Variants in ATP1A4 observed in about 807,000 individuals in gnomAD.
ATP1A4 encodes the protein ATPase Na+/K+ transporting subunit alpha 4.
In ATP1A4, 90 loss-of-function variants were observed where a neutral mutation model predicts 114.3. That is an observed-to-expected ratio of 0.79 (90% CI 0.66 to 0.94). ATP1A4 has a LOEUF of 0.94. Ranked by LOEUF, ATP1A4 falls within the 40% of genes least tolerant of loss-of-function variation. The pLI, the probability that ATP1A4 is intolerant of heterozygous loss-of-function variation, is 0.00. For missense variants in ATP1A4, 1,222 were observed against 1,313.6 expected (o/e 0.93, Z 1.08); for synonymous variants, 511 against 494.1 (o/e 1.03, Z -0.45).
At chr1:160,185,972 G>C (rs1653869475) in intron 20 of ATP1A4, among the ~76,000 whole-genome samples, 1 of 148,980 alleles carries the variant, frequency 6.7e-6, no homozygotes, top group Admixed American at 6.7e-5. Flanking sequence ...GTGCACACCT[G>C]TAATCTCAGC....
intron 16 of ATP1A4, 70 bp from the exon 17 acceptor site, chr1:160,176,409 G>A (rs1012416364): frequency 2.5e-6 from 4 of 1,608,980 alleles, no homozygotes; most frequent in Non-Finnish European, 3.4e-6. Context: ...CAGAATGGTA[G>A]AGCTTGAATT....
At chr1:160,182,131 C>A in intron 20 of ATP1A4, 100 bp downstream of exon 20, 1 of 954,084 alleles carries the variant, frequency 1.0e-6, no homozygotes, top group East Asian at 2.4e-5. Flanking sequence ...CAGGAGCTGC[C>A]TGGATACATG....
chr1:160,166,588 G>T lies in ATP1A4; in HGVS notation c.1108G>T (p.Glu370Ter). The T allele has an allele frequency of 6.2e-7, 1 of 1,614,202 alleles. No individual in the cohort carries two copies. Among genetic ancestry groups the T allele is most frequent in the South Asian group, 1.1e-5 (1 of 91,080 alleles). The change falls in exon 8 of 22, where the codon GAG (glutamate) becomes TAG (stop). Residue 370 changes from glutamate to a stop codon, truncating the protein, a stop_gained. Coordinates refer to ENST00000368081, the MANE Select transcript of ATP1A4 (RefSeq NM_144699.4). LOFTEE classifies it high-confidence loss of function. ...GAAGAACTGCCTGGTGAAGAACCTG[G>T]AGGCGGTGGAGACGCTGGGCTCCAC... ...ARKNCLVKNLEAVETLGSTST... is the reference protein window; with the variant it reads ...ARKNCLVKNL
intron 10 of ATP1A4, among the ~76,000 whole-genome samples, chr1:160,169,335 T>C (rs1022977018): frequency 1.3e-5 from 2 of 152,238 alleles, no homozygotes; most frequent in Non-Finnish European, 2.9e-5. Flanking sequence ...CTCTTTTATA[T>C]GTAATTTTCT....
rs145979030 is a variant in ATP1A4 at position 160,184,102 on chromosome 1, G to A, written c.2969+2071G>A. On this transcript the variant is annotated intron_variant, in intron 20 of 21. Transcript: ENST00000368081. ...TGAGTAGCTGGGATTACAGGCACGC[G>A]TCACCACACCCAGCTAATTTTTGTA... Among the ~76,000 whole-genome samples the A allele has an allele frequency of 7.1e-3, 1,085 of 152,088 alleles. 10 individuals carry two copies. Among genetic ancestry groups the A allele is most frequent in the African/African-American group, 0.018 (767 of 41,494 alleles).
intron 1 of ATP1A4, 99 bp from the exon 2 acceptor site, chr1:160,153,066 T>C (rs1221464858): frequency 2.7e-5 from 26 of 948,468 alleles, no homozygotes; most frequent in East Asian, 2.7e-4. Flanking sequence ...AATGGAGCAG[T>C]CTCAGTTTGG....
At chr1:160,171,095 G>T (rs894107314) in intron 10 of ATP1A4, 156 bp from the exon 11 acceptor site, 1 of 622,990 alleles carries the variant, frequency 1.6e-6, no homozygotes, top group Non-Finnish European at 2.8e-6. Flanking sequence ...GAGGGGCTGG[G>T]TTCAACCTGG....
At position 160,151,849 on chromosome 1, in the gene ATP1A4, C is replaced by G; in HGVS notation, c.-192C>G. ...GGACCGCTCAGTCTCTCCTCTCTCA[C>G]TTCCCTTCCTCTCTCTCACCTTCAC... On this transcript the variant is annotated 5_prime_UTR_variant, in exon 1 of 22. Transcript: ENST00000368081. The G allele has an allele frequency of 1.7e-6, 1 of 585,448 alleles. No homozygotes were observed. The highest frequency in any genetic ancestry group is 2.9e-6 in the Non-Finnish European group (1 of 341,968). The allele number at this position is 585,448 out of a possible 1,614,324, so 36.3% of individuals were successfully genotyped here.
intron 18 of ATP1A4, among the ~76,000 whole-genome samples, chr1:160,180,677 T>G (rs1444177004): frequency 2.1e-5 from 3 of 146,118 alleles, no homozygotes; most frequent in Non-Finnish European, 1.5e-5. Context: ...CTATATCCCC[T>G]GACTCTGCCT....
intron 8 of ATP1A4, 116 bp from the exon 9 acceptor site, chr1:160,166,852 G>A: frequency 1.3e-6 from 2 of 1,501,084 alleles, no homozygotes; most frequent in South Asian, 2.4e-5. Context: ...AGAGGGAGGT[G>A]TGAAGGAAAA....
chr1:160,161,635 C>G lies in ATP1A4; in HGVS notation c.778+2109C>G, dbSNP rs549519979. On this transcript the variant is annotated intron_variant, in intron 6 of 21. Coordinates refer to ENST00000368081, the MANE Select transcript of ATP1A4 (RefSeq NM_144699.4). Reference sequence around the variant, plus strand: ...ACCATACACTACCCACCCTCCTCCACCCGGCCCAAAATAGGAAACTCCTCA... The same window carrying G: ...ACCATACACTACCCACCCTCCTCCAGCCGGCCCAAAATAGGAAACTCCTCA... Among the ~76,000 whole-genome samples, 58 of 152,306 alleles carry G rather than the reference C, an allele frequency of 3.8e-4. 1 individual carries two copies. The highest frequency in any genetic ancestry group is 3.6e-3 in the Admixed American group (55 of 15,298).
chr1:160,158,906 A>C, intron 4 of ATP1A4, 96 bp from the exon 5 acceptor site: 2 of 1,336,022 alleles, frequency 1.5e-6, no homozygotes, highest in Non-Finnish European at 2.1e-6. Context: ...AAAGGGGAGT[A>C]AGGAGGAGGG....
intron 4 of ATP1A4, 118 bp downstream of exon 4, chr1:160,156,276 TG>T (rs1428896517): frequency 8.7e-5 from 62 of 714,380 alleles, no homozygotes; most frequent in Admixed American, 1.3e-4. Context: ...AGGTTGGTGA[TG>T]AGGGGGTCAA....
intron 10 of ATP1A4, among the ~76,000 whole-genome samples, chr1:160,168,018 C>T (rs187766947): frequency 2.0e-3 from 303 of 152,272 alleles, no homozygotes; most frequent in Middle Eastern, 0.01. Flanking sequence ...TAACTAATTA[C>T]GTGTGTTCGT....
intron 21 of ATP1A4, 115 bp from the exon 22 acceptor site, chr1:160,186,556 C>T (rs897463332): frequency 1.2e-4 from 145 of 1,253,264 alleles, no homozygotes; most frequent in Non-Finnish European, 1.4e-4. Flanking sequence ...ACCCTCAGTG[C>T]CCTGTGTTCC....
Position 160,181,765 on chromosome 1 carries a change from C to A in ATP1A4, c.2818C>A (p.Leu940Ile). 5 of 1,613,954 alleles carry A rather than the reference C, an allele frequency of 3.1e-6. No homozygotes were observed. Among genetic ancestry groups the A allele is most frequent in the Non-Finnish European group, 4.2e-6 (5 of 1,179,992 alleles). Residue 940 changes from leucine (L) to isoleucine (I), a missense_variant, in exon 19 of 22, where the codon CTC becomes ATC. Leu to Ile is a conservative substitution (Grantham distance 5). Transcript: ENST00000368081. ...CATCGTGGTTGTGCAGTGGGCGGATCTCATCATCTCCAAGACTCGCCGCAA... is the reference window on the plus strand; with the variant it reads ...CATCGTGGTTGTGCAGTGGGCGGATATCATCATCTCCAAGACTCGCCGCAA... ...VTIVVVQWAD[L>I]IISKTRRNSL...
intron 10 of ATP1A4, chr1:160,169,526 T>C (rs757137082): frequency 3.3e-5 from 5 of 152,222 alleles, no homozygotes; most frequent in Non-Finnish European, 5.9e-5. Context: ...TTAAGCATAT[T>C]TTGAATGTAA....
chr1:160,171,503 G>T (rs1571025590), intron 11 of ATP1A4, 63 bp downstream of exon 11: 5 of 1,600,382 alleles, frequency 3.1e-6, no homozygotes, highest in Non-Finnish European at 4.3e-6. Flanking sequence ...TCCCTGGGGT[G>T]AGAAATCAAG....
At chr1:160,184,621 A>C (rs1653819366) in intron 20 of ATP1A4, among the ~76,000 whole-genome samples, 1 of 152,220 alleles carries the variant, frequency 6.6e-6, no homozygotes, top group South Asian at 2.1e-4. Context: ...TATTGATATC[A>C]GTTTTTGATA....
Sources: allele counts gnomAD v4.1 joint callset (sites outside exome capture counted in the v4.1 genomes callset), GRCh38; gene constraint gnomAD v4.1.1; transcripts MANE v1.5; gene names NCBI Gene and HGNC (gene_info 2026-07-23, HGNC 2026-07-21).